ARHGAP21: variants seen among roughly 807,000 people sequenced by gnomAD.
The protein encoded by ARHGAP21 is rho GTPase-activating protein 21.
In ARHGAP21, 38 loss-of-function variants were observed where a neutral mutation model predicts 164.6. That is an observed-to-expected ratio of 0.23 (90% CI 0.18 to 0.30). The LOEUF (loss-of-function observed/expected upper bound fraction) is 0.30, where lower values mean the gene tolerates loss of function less well. ARHGAP21 is among the 10% of genes least tolerant of loss of function. The pLI is 1.00. For synonymous variants in ARHGAP21, 766 were observed against 857.9 expected, an observed-to-expected ratio of 0.89 and a Z score of 1.87; for missense variants, 1,822 against 2,370.7, an observed-to-expected ratio of 0.77 and a Z score of 4.81.
chr10:24,680,758 A>G (rs1841687777), intron 2 of ARHGAP21, among the ~76,000 whole-genome samples: 1 of 152,176 alleles, frequency 6.6e-6, no homozygotes, highest in South Asian at 2.1e-4. Flanking sequence ...GTTAGATCTT[A>G]TAACAAGGGC....
intron 3 of ARHGAP21, 39 bp from the exon 4 acceptor site, chr10:24,667,048 A>T: frequency 1.8e-6 from 2 of 1,127,740 alleles, no homozygotes; most frequent in Non-Finnish European, 2.5e-6. Context: ...ATGAGTACAT[A>T]TTTATAAACT....
At chr10:24,647,018 A>G (rs1017305923) in intron 4 of ARHGAP21, among the ~76,000 whole-genome samples, 3 of 152,208 alleles carry the variant, frequency 2.0e-5, no homozygotes, top group African/African-American at 7.2e-5. Context: ...TTTCACCTGT[A>G]TCGTCCTATC....
chr10:24,638,330 C>G (rs183008194), intron 4 of ARHGAP21, among the ~76,000 whole-genome samples: 1 of 152,306 alleles, frequency 6.6e-6, no homozygotes, highest in East Asian at 1.9e-4. Flanking sequence ...CACCTTGACT[C>G]TATGTCTTGA....
intron 7 of ARHGAP21, chr10:24,628,968 ATATATATATATATATTTTTTTT>A (rs1835519226): frequency 7.5e-5 from 1 of 13,408 alleles, no homozygotes; most frequent in African/African-American, 5.0e-4. Context: ...ATATATATAT[ATATATATATATATATTTTTTTT>A]TTTTTTTTTT....
intron 2 of ARHGAP21, among the ~76,000 whole-genome samples, chr10:24,681,849 G>A (rs898148865): frequency 3.9e-5 from 6 of 152,022 alleles, no homozygotes; most frequent in Non-Finnish European, 5.9e-5. Flanking sequence ...TGGTATGACC[G>A]TCACCTGGCT....
At chr10:24,650,346 C>A (rs1193834108) in intron 4 of ARHGAP21, among the ~76,000 whole-genome samples, 2 of 151,970 alleles carry the variant, frequency 1.3e-5, no homozygotes, top group East Asian at 1.9e-4. Flanking sequence ...CACAGTGAGA[C>A]CCCATCTCTT....
intron 7 of ARHGAP21, among the ~76,000 whole-genome samples, chr10:24,628,316 C>G (rs1299557823): frequency 1.3e-5 from 2 of 152,178 alleles, no homozygotes; most frequent in Non-Finnish European, 2.9e-5. Context: ...CTAAGCCATT[C>G]CTAAGTAAAA....
chr10:24,633,248 T>A lies in ARHGAP21; in HGVS notation c.440+154A>T, dbSNP rs114251293. ...AACTAAGCTATCCTCAGATAGCTGGTCCTTGGCAACTCTCAAATGCATTAT... is the reference window on the plus strand; with the variant it reads ...AACTAAGCTATCCTCAGATAGCTGGACCTTGGCAACTCTCAAATGCATTAT... On this transcript the variant is annotated intron_variant, in intron 6 of 25. Coordinates refer to ENST00000396432, the MANE Select transcript of ARHGAP21 (RefSeq NM_020824.4). 6.0e-3 allele frequency among the ~76,000 whole-genome samples: 907 copies of A among 152,290 alleles called. 9 individuals are homozygous for A. The highest frequency in any genetic ancestry group is 0.021 in the African/African-American group (876 of 41,560).
chr10:24,703,800 C>T (rs1012837248), intron 2 of ARHGAP21, among the ~76,000 whole-genome samples: 1 of 152,064 alleles, frequency 6.6e-6, no homozygotes, highest in Non-Finnish European at 1.5e-5. Flanking sequence ...CAAGGGTATC[C>T]GGCAGCATCC....
At chr10:24,601,714 C>T (rs2076820309) in intron 13 of ARHGAP21, among the ~76,000 whole-genome samples, 1 of 152,112 alleles carries the variant, frequency 6.6e-6, no homozygotes, top group Non-Finnish European at 1.5e-5. Context: ...TTTTTAAATA[C>T]TTAGATTTCC....
At chr10:24,693,633 G>T (rs534212902) in intron 2 of ARHGAP21, among the ~76,000 whole-genome samples, 1 of 152,056 alleles carries the variant, frequency 6.6e-6, no homozygotes, top group Non-Finnish European at 1.5e-5. Context: ...GATTACAGGC[G>T]TGAGACACTG....
intron 3 of ARHGAP21, among the ~76,000 whole-genome samples, chr10:24,669,159 G>A (rs1840467390): frequency 1.3e-5 from 2 of 151,712 alleles, no homozygotes; most frequent in African/African-American, 4.8e-5. Context: ...CAGTGTTAAA[G>A]TAACCAAATA....
chr10:24,639,727 C>T (rs889763643), intron 4 of ARHGAP21, among the ~76,000 whole-genome samples: 1 of 152,114 alleles, frequency 6.6e-6, no homozygotes, highest in Non-Finnish European at 1.5e-5. Flanking sequence ...AACTATACAC[C>T]TGTCTTCAAA....
intron 2 of ARHGAP21, among the ~76,000 whole-genome samples, chr10:24,716,509 G>C (rs555597638): frequency 7.9e-5 from 12 of 152,372 alleles, no homozygotes; most frequent in Admixed American, 3.3e-4. Context: ...AGAAAAGCAA[G>C]AGACCAGAAT....
intron 4 of ARHGAP21, among the ~76,000 whole-genome samples, chr10:24,657,464 C>A: frequency 1.0e-5 from 1 of 95,582 alleles, no homozygotes; most frequent in African/African-American, 4.8e-5. Flanking sequence ...CCGCCCCGTC[C>A]GGGAGGTGAG....
chr10:24,663,878 C>T (rs1391199777), intron 4 of ARHGAP21, among the ~76,000 whole-genome samples: 1 of 152,156 alleles, frequency 6.6e-6, no homozygotes, highest in South Asian at 2.1e-4. Context: ...GTTTCAACAG[C>T]ACCTCTGGCC....
intron 2 of ARHGAP21, among the ~76,000 whole-genome samples, chr10:24,703,972 C>T (rs1843961423): frequency 6.6e-6 from 1 of 152,176 alleles, no homozygotes. Flanking sequence ...AATTAGTCAT[C>T]AACATTTAAA....
intron 2 of ARHGAP21, among the ~76,000 whole-genome samples, chr10:24,714,937 G>A (rs1432989656): frequency 2.0e-5 from 3 of 151,820 alleles, no homozygotes; most frequent in Non-Finnish European, 4.4e-5. Context: ...GGCTGAGGCA[G>A]GAGAAAGGCA....
At chr10:24,622,440 ATAT>A (rs1565039587) in intron 8 of ARHGAP21, among the ~76,000 whole-genome samples, 119 of 8,598 alleles carry the variant, frequency 0.014, no homozygotes, top group African/African-American at 0.057. Flanking sequence ...AAACATATAT[ATAT>A]ATATATATAT....
Sources: allele counts gnomAD v4.1 joint callset (sites outside exome capture counted in the v4.1 genomes callset), GRCh38; gene constraint gnomAD v4.1.1; transcripts MANE v1.5; gene names NCBI Gene and HGNC (gene_info 2026-07-23, HGNC 2026-07-21).